GRIK1: variants seen among roughly 807,000 people sequenced by gnomAD.
GRIK1 encodes glutamate ionotropic receptor kainate type subunit 1.
A neutral mutation model predicts 105.7 loss-of-function variants in GRIK1; 69 were observed. The ratio of observed to expected loss-of-function variants is 0.65; its 90% confidence interval spans 0.54 to 0.80. The LOEUF is 0.80. GRIK1 is among the 30% of genes least tolerant of loss of function. The pLI is 0.00. For missense variants in GRIK1, 1,109 were observed against 1,167.3 expected (o/e 0.95, Z 0.73); for synonymous variants, 438 against 431.3 (o/e 1.02, Z -0.19).
At chr21:29,594,712 A>G (rs1198977105) in intron 9 of GRIK1, among the ~76,000 whole-genome samples, 3 of 152,228 alleles carry the variant, frequency 2.0e-5, no homozygotes, top group Non-Finnish European at 2.9e-5. Flanking sequence ...ACTAGTATCT[A>G]TCTTCTAAAC....
At chr21:29,734,583 G>A (rs576948525) in intron 1 of GRIK1, among the ~76,000 whole-genome samples, 10 of 151,838 alleles carry the variant, frequency 6.6e-5, no homozygotes, top group Non-Finnish European at 1.3e-4. Flanking sequence ...TGTTTTTGCA[G>A]GGATAGGGTT....
intron 1 of GRIK1, among the ~76,000 whole-genome samples, chr21:29,875,609 TCCC>T (rs1289961775): frequency 6.6e-6 from 1 of 152,062 alleles, no homozygotes; most frequent in Non-Finnish European, 1.5e-5. Context: ...TCCTCTTTTT[TCCC>T]CCTTCTCTTC....
At chr21:29,645,487 A>G (rs531921879) in intron 6 of GRIK1, among the ~76,000 whole-genome samples, 74 of 152,220 alleles carry the variant, frequency 4.9e-4, no homozygotes, top group Non-Finnish European at 9.8e-4. Flanking sequence ...TTCTTTCTCA[A>G]GGCGGGCTCC....
chr21:29,855,225 G>A (rs116749615), intron 1 of GRIK1, among the ~76,000 whole-genome samples: 237 of 152,290 alleles, frequency 1.6e-3, no homozygotes, highest in African/African-American at 5.4e-3. Context: ...CTAGCCCATT[G>A]AGATATTTTA....
intron 1 of GRIK1, among the ~76,000 whole-genome samples, chr21:29,882,386 G>C (rs923238435): frequency 1.1e-4 from 16 of 151,950 alleles, no homozygotes; most frequent in African/African-American, 3.4e-4. Context: ...ATTTCCTTCT[G>C]GTTTATTCCC....
At chr21:29,583,744 A>T (rs955603168) in intron 12 of GRIK1, among the ~76,000 whole-genome samples, 7 of 152,312 alleles carry the variant, frequency 4.6e-5, no homozygotes, top group African/African-American at 1.7e-4. Flanking sequence ...GGTCTGGTGA[A>T]TATTAAACAG....
At chr21:29,893,959 C>A (rs2070008035) in intron 1 of GRIK1, among the ~76,000 whole-genome samples, 2 of 152,168 alleles carry the variant, frequency 1.3e-5, no homozygotes, top group South Asian at 2.1e-4. Flanking sequence ...TGGGAGCCTG[C>A]AGAACAGAGA....
chr21:29,596,658 C>T, intron 8 of GRIK1, 88 bp from the exon 9 acceptor site: 1 of 921,416 alleles, frequency 1.1e-6, no homozygotes, highest in Non-Finnish European at 1.8e-6. Flanking sequence ...TGTGTGAGTG[C>T]TTAGAGTGTT....
At chr21:29,674,304 T>A (rs943980017) in intron 3 of GRIK1, among the ~76,000 whole-genome samples, 1 of 151,694 alleles carries the variant, frequency 6.6e-6, no homozygotes, top group African/African-American at 2.4e-5. Flanking sequence ...TGTGTGTGTG[T>A]GTGTGTGTGG....
chr21:29,845,068 C>T (rs552244068), intron 1 of GRIK1, among the ~76,000 whole-genome samples: 2 of 152,174 alleles, frequency 1.3e-5, no homozygotes, highest in South Asian at 4.1e-4. Context: ...TTTTCCTTAT[C>T]TTTAAAATTA....
intron 1 of GRIK1, among the ~76,000 whole-genome samples, chr21:29,773,410 G>T (rs953839441): frequency 6.6e-6 from 1 of 152,054 alleles, no homozygotes; most frequent in East Asian, 1.9e-4. Context: ...TAGGTAATCG[G>T]CATCCACCTT....
At chr21:29,604,997 A>C (rs896944388) in intron 7 of GRIK1, among the ~76,000 whole-genome samples, 9 of 152,156 alleles carry the variant, frequency 5.9e-5, no homozygotes, top group Non-Finnish European at 4.4e-5. Context: ...ATCAACTCTT[A>C]ATGTCATTAG....
intron 1 of GRIK1, among the ~76,000 whole-genome samples, chr21:29,852,855 G>T (rs915706784): frequency 1.1e-4 from 17 of 151,976 alleles, no homozygotes; most frequent in Non-Finnish European, 1.5e-5. Flanking sequence ...TTTTATTTTA[G>T]TGCTTCTTTA....
chr21:29,861,732 C>A (rs1412880525), intron 1 of GRIK1: 3 of 417,080 alleles, frequency 7.2e-6, no homozygotes, highest in Non-Finnish European at 1.4e-5. Context: ...ATGCATTTTT[C>A]TTGTTTTGCC....
At chr21:29,820,737 T>G (rs901028937) in intron 1 of GRIK1, among the ~76,000 whole-genome samples, 1 of 152,026 alleles carries the variant, frequency 6.6e-6, no homozygotes, top group Non-Finnish European at 1.5e-5. Flanking sequence ...ATAGGTATGA[T>G]TATTAAAATT....
At chr21:29,572,156 GA>G (rs1444874354) in intron 14 of GRIK1, among the ~76,000 whole-genome samples, 1 of 152,118 alleles carries the variant, frequency 6.6e-6, no homozygotes, top group African/African-American at 2.4e-5. Flanking sequence ...ACTACCCCGA[GA>G]GCAAAAAAGC....
intron 1 of GRIK1, among the ~76,000 whole-genome samples, chr21:29,720,969 G>C (rs1008577124): frequency 6.6e-6 from 1 of 151,832 alleles, no homozygotes; most frequent in African/African-American, 2.4e-5. Flanking sequence ...TATCACCGGA[G>C]AGGAGACTGG....
intron 4 of GRIK1, among the ~76,000 whole-genome samples, chr21:29,670,288 G>C (rs1214819819): frequency 6.6e-6 from 1 of 152,302 alleles, no homozygotes; most frequent in South Asian, 2.1e-4. Flanking sequence ...TGATAAGAGA[G>C]AGGATAGAGA....
At chr21:29,876,868 A>G (rs937384560) in intron 1 of GRIK1, among the ~76,000 whole-genome samples, 2 of 152,212 alleles carry the variant, frequency 1.3e-5, no homozygotes, top group African/African-American at 4.8e-5. Context: ...GCTTCCTAGA[A>G]GAATCACTGA....
Sources: allele counts gnomAD v4.1 joint callset (sites outside exome capture counted in the v4.1 genomes callset), GRCh38; gene constraint gnomAD v4.1.1; transcripts MANE v1.5; gene names NCBI Gene and HGNC (gene_info 2026-07-23, HGNC 2026-07-21).